CFDP1: variants seen among roughly 807,000 people sequenced by gnomAD.
The protein encoded by CFDP1 is chromatin remodeling protein CFDP1.
A neutral mutation model predicts 40.1 loss-of-function variants in CFDP1; 31 were observed. The observed-to-expected ratio is 0.77, with a 90% CI of 0.58 to 1.04. The LOEUF (loss-of-function observed/expected upper bound fraction) is 1.04, where lower values mean the gene tolerates loss of function less well. CFDP1 is among the 50% of genes least tolerant of loss of function. The probability of loss-of-function intolerance (pLI) is 0.00; values close to 1 mark genes in which losing one functional copy is unlikely to be tolerated. For missense variants in CFDP1, 423 were observed against 343.4 expected (o/e 1.23, Z -1.83); for synonymous variants, 167 against 120.0 (o/e 1.39, Z -2.56).
intron 4 of CFDP1, among the ~76,000 whole-genome samples, chr16:75,402,652 TCTTAA>T (rs1256623558): frequency 1.3e-5 from 2 of 152,306 alleles, no homozygotes; most frequent in African/African-American, 4.8e-5. Flanking sequence ...GTAGTAATGC[TCTTAA>T]CTTGATACAG....
At chr16:75,422,586 G>GGTTTCA (rs913426753) in intron 1 of CFDP1, among the ~76,000 whole-genome samples, 4 of 150,292 alleles carry the variant, frequency 2.7e-5, no homozygotes, top group Non-Finnish European at 5.9e-5. Flanking sequence ...GTAGAGACGG[G>GGTTTCA]GTTTCACCAT....
intron 1 of CFDP1, among the ~76,000 whole-genome samples, chr16:75,432,110 C>G (rs938736089): frequency 1.3e-5 from 2 of 151,130 alleles, no homozygotes; most frequent in African/African-American, 4.8e-5. Context: ...CGGGGTTTTA[C>G]CATGTTGTCC....
intron 5 of CFDP1, among the ~76,000 whole-genome samples, chr16:75,339,931 T>C (rs573237298): frequency 6.6e-6 from 1 of 152,362 alleles, no homozygotes; most frequent in South Asian, 2.1e-4. Context: ...TGTCTTAAGA[T>C]GATCAATCCA....
At chr16:75,432,700 G>T (rs896031721) in intron 1 of CFDP1, among the ~76,000 whole-genome samples, 1 of 152,216 alleles carries the variant, frequency 6.6e-6, no homozygotes, top group African/African-American at 2.4e-5. Context: ...TTTGTCTGGG[G>T]AAGACCAAGA....
intron 6 of CFDP1, among the ~76,000 whole-genome samples, chr16:75,304,013 G>A (rs917715394): frequency 1.3e-5 from 2 of 152,114 alleles, no homozygotes; most frequent in African/African-American, 4.8e-5. Flanking sequence ...AGTGCCTTCT[G>A]AGGTCCGTAA....
intron 5 of CFDP1, among the ~76,000 whole-genome samples, chr16:75,305,884 G>A (rs751346857): frequency 3.7e-4 from 56 of 152,192 alleles, no homozygotes; most frequent in Non-Finnish European, 6.5e-4. Flanking sequence ...AAGCTCACAC[G>A]GGGAATGTAC....
intron 5 of CFDP1, among the ~76,000 whole-genome samples, chr16:75,335,065 C>T (rs1047646752): frequency 6.6e-6 from 1 of 152,154 alleles, no homozygotes; most frequent in African/African-American, 2.4e-5. Flanking sequence ...TGAGATATGG[C>T]TCATGTACCC....
chr16:75,372,124 C>T (rs2078756694), intron 5 of CFDP1: 2 of 152,148 alleles, frequency 1.3e-5, no homozygotes, highest in South Asian at 4.1e-4. Flanking sequence ...AATACTCTAC[C>T]TATTTCTAAA....
intron 5 of CFDP1, among the ~76,000 whole-genome samples, chr16:75,319,406 A>C (rs1305287331): frequency 6.6e-6 from 1 of 152,186 alleles, no homozygotes; most frequent in African/African-American, 2.4e-5. Flanking sequence ...TAGACATTGG[A>C]CACAGCTGTG....
intron 6 of CFDP1, 130 bp downstream of exon 6, chr16:75,304,893 CA>C: frequency 1.0e-6 from 1 of 992,400 alleles, no homozygotes; most frequent in Non-Finnish European, 1.5e-6. Context: ...ACTGACAAAC[CA>C]AAGTGCTCAC....
At chr16:75,422,290 G>A (rs1014631891) in intron 1 of CFDP1, among the ~76,000 whole-genome samples, 1 of 151,622 alleles carries the variant, frequency 6.6e-6, no homozygotes, top group African/African-American at 2.4e-5. Flanking sequence ...TAGAGACAGG[G>A]TTTCACCGTG....
intron 5 of CFDP1, among the ~76,000 whole-genome samples, chr16:75,363,682 C>T (rs2078695034): frequency 6.6e-6 from 1 of 152,068 alleles, no homozygotes; most frequent in Admixed American, 6.6e-5. Context: ...AGGTGTGAGC[C>T]ACCATGTCCA....
chr16:75,373,552 T>C (rs897161636), intron 5 of CFDP1, among the ~76,000 whole-genome samples: 3 of 152,320 alleles, frequency 2.0e-5, no homozygotes, highest in African/African-American at 7.2e-5. Context: ...CTAAACTCAC[T>C]GTGTAACTAA....
chr16:75,429,531 G>A (rs2079384390), intron 1 of CFDP1, among the ~76,000 whole-genome samples: 3 of 152,238 alleles, frequency 2.0e-5, no homozygotes, highest in East Asian at 1.9e-4. Flanking sequence ...GTGGGCACCT[G>A]TATCCAAGCT....
At chr16:75,373,894 C>T (rs1233023757) in intron 5 of CFDP1, among the ~76,000 whole-genome samples, 1 of 152,104 alleles carries the variant, frequency 6.6e-6, no homozygotes, top group Non-Finnish European at 1.5e-5. Context: ...TCTTTACAAA[C>T]ATACTGTTTC....
At chr16:75,369,488 T>C (rs143420583) in intron 5 of CFDP1, among the ~76,000 whole-genome samples, 4 of 152,326 alleles carry the variant, frequency 2.6e-5, no homozygotes, top group African/African-American at 9.6e-5. Context: ...TTAACTATTA[T>C]ATACATTTAG....
At chr16:75,314,052 T>G (rs184778655) in intron 5 of CFDP1, among the ~76,000 whole-genome samples, 2 of 152,138 alleles carry the variant, frequency 1.3e-5, no homozygotes, top group East Asian at 3.9e-4. Context: ...GCCTGGCTAA[T>G]TTTTGCATTT....
At chr16:75,331,653 GT>G (rs1005423487) in intron 5 of CFDP1, among the ~76,000 whole-genome samples, 9 of 152,112 alleles carry the variant, frequency 5.9e-5, no homozygotes, top group Admixed American at 4.6e-4. Context: ...TTTCTTTTGT[GT>G]CTGGTTTCTT....
intron 4 of CFDP1, among the ~76,000 whole-genome samples, chr16:75,406,330 G>A (rs1003732753): frequency 1.3e-5 from 2 of 151,556 alleles, no homozygotes; most frequent in Non-Finnish European, 2.9e-5. Flanking sequence ...TGGGCCATGA[G>A]GGAGCCACTA....
Sources: allele counts gnomAD v4.1 joint callset (sites outside exome capture counted in the v4.1 genomes callset), GRCh38; gene constraint gnomAD v4.1.1; transcripts MANE v1.5; gene names NCBI Gene and HGNC (gene_info 2026-07-23, HGNC 2026-07-21).